Variants in EGF observed in about 807,000 individuals in gnomAD.
The protein encoded by EGF is pro-epidermal growth factor.
Under a neutral mutation model 143.8 loss-of-function variants are expected in EGF, and 95 were observed. The observed-to-expected ratio is 0.66, with a 90% CI of 0.56 to 0.78. EGF has a LOEUF of 0.78. Among genes scored for constraint, EGF ranks in the 30% least tolerant of loss-of-function variants. EGF has a pLI of 0.00. For synonymous variants in EGF, 510 were observed against 510.5 expected (o/e 1.00, Z 0.01); for missense variants, 1,320 against 1,470.9 (o/e 0.90, Z 1.68).
intron 23 of EGF, 105 bp downstream of exon 23, chr4:110,008,335 A>G (rs78570045): frequency 5.9e-5 from 79 of 1,347,336 alleles, no homozygotes; most frequent in Non-Finnish European, 7.6e-5. Context: ...CACAAACAAA[A>G]TAACTAAATT....
At chr4:109,985,067 A>T (rs1201303306) in intron 16 of EGF, among the ~76,000 whole-genome samples, 1 of 152,234 alleles carries the variant, frequency 6.6e-6, no homozygotes, top group Non-Finnish European at 1.5e-5. Flanking sequence ...CATAGAGCAT[A>T]TTTTGAAAGA....
chr4:110,011,187 T>C lies in EGF; in HGVS notation c.3371-15T>C. 2 of 1,613,596 alleles carry C rather than the reference T, an allele frequency of 1.2e-6. No homozygotes were observed. Among genetic ancestry groups the C allele is most frequent in the Non-Finnish European group, 1.7e-6 (2 of 1,180,004 alleles). ...AATGATATGAATATTGAAATTTCTTTTGTCTTTCATATAGGGTCAATGCAA... is the reference window on the plus strand; with the variant it reads ...AATGATATGAATATTGAAATTTCTTCTGTCTTTCATATAGGGTCAATGCAA... On this transcript the variant is annotated splice_polypyrimidine_tract_variant and intron_variant, in intron 23 of 23. Transcript: ENST00000265171.
chr4:109,951,403 G>A lies in EGF; in HGVS notation c.940+6128G>A, dbSNP rs6811864. Among the ~76,000 whole-genome samples the A allele has an allele frequency of 7.8e-3, 1,184 of 151,974 alleles. 13 individuals carry two copies. The highest frequency in any genetic ancestry group is 0.027 in the African/African-American group (1,119 of 41,462). The stretch of plus-strand genomic sequence containing the variant: ...AAACCAAGTGAAAAAAAATTCTTTG[G>A]CACTCTATCTCCTAAATAATATAAT... On this transcript the variant is annotated intron_variant, in intron 5 of 23. Coordinates refer to ENST00000265171, the MANE Select transcript of EGF (RefSeq NM_001963.6).
intron 18 of EGF, among the ~76,000 whole-genome samples, chr4:109,991,832 G>C (rs1289903514): frequency 1.3e-5 from 2 of 152,050 alleles, no homozygotes; most frequent in African/African-American, 4.8e-5. Context: ...CAGGAAGAAA[G>C]CTTCCAGCCT....
chr4:109,988,194 T>TC (rs1750428675), intron 17 of EGF, among the ~76,000 whole-genome samples: 1 of 131,732 alleles, frequency 7.6e-6, no homozygotes, highest in African/African-American at 3.6e-5. Context: ...AAACACAACT[T>TC]TTTTTTTTTT....
chr4:109,918,751 G>T (rs1358068357), intron 1 of EGF, among the ~76,000 whole-genome samples: 2 of 152,180 alleles, frequency 1.3e-5, no homozygotes, highest in Non-Finnish European at 2.9e-5. Flanking sequence ...TTACCTGAAG[G>T]TTTGCTGTTG....
chr4:109,944,299 C>T (rs1177923777), intron 4 of EGF, among the ~76,000 whole-genome samples: 7 of 152,050 alleles, frequency 4.6e-5, no homozygotes, highest in Non-Finnish European at 8.8e-5. Flanking sequence ...ATTAGCCGGG[C>T]GTGGTGGCGA....
intron 1 of EGF, among the ~76,000 whole-genome samples, chr4:109,920,334 A>G (rs930213106): frequency 6.6e-6 from 1 of 151,804 alleles, no homozygotes; most frequent in African/African-American, 2.4e-5. Context: ...ACAATTAAAG[A>G]CTCAATAACT....
In EGF at chr4:109,961,899, G is replaced by A; in HGVS notation, c.1226G>A (p.Ser409Asn). The A allele has an allele frequency of 6.2e-7, 1 of 1,613,950 alleles. No homozygotes were observed. Among genetic ancestry groups the A allele is most frequent in the Non-Finnish European group, 8.5e-7 (1 of 1,179,860 alleles). Residue 409 changes from serine (S) to asparagine (N), a missense_variant, in exon 8 of 24, where the codon AGC (serine) becomes AAC (asparagine). Around this residue, in one of 5 missense-constraint regions of EGF, gnomAD observed 1,186 missense variants for 1,313.7 expected, o/e 0.90. Coordinates refer to ENST00000265171, the MANE Select transcript of EGF (RefSeq NM_001963.6). ...VSCPRNVSEC[S>N]HDCVLTSEGP... ...TGTCCACGCAATGTGTCTGAATGCA[G>A]CCATGACTGTGTTCTGACATCAGAA...
At position 109,968,720 on chromosome 4, in the gene EGF, C is replaced by T; in HGVS notation, c.1576-251C>T. 3 of 471,078 alleles carry T rather than the reference C, an allele frequency of 6.4e-6. No homozygotes were observed. The East Asian group carries it at 1.3e-4, about 21-fold the overall frequency. 29.2% of individuals were successfully genotyped at this position (471,078 alleles called of 1,614,324 possible). A position where few individuals can be genotyped will look rare whatever the true frequency, so the allele number is the denominator to read the frequency against. ...TCTATCTATCTATCTACCTACCTAC[C>T]TACCTACCTAATAAGATTGATATTA... On this transcript the variant is annotated intron_variant, in intron 10 of 23. Transcript: ENST00000265171.
intron 8 of EGF, among the ~76,000 whole-genome samples, chr4:109,962,474 T>C (rs1339591936): frequency 6.6e-6 from 1 of 152,322 alleles, no homozygotes; most frequent in East Asian, 1.9e-4. Flanking sequence ...GTGTGTGTGT[T>C]TTTGATTTTC....
At chr4:109,993,703 G>C (rs1383085120) in intron 19 of EGF, among the ~76,000 whole-genome samples, 1 of 152,112 alleles carries the variant, frequency 6.6e-6, no homozygotes, top group East Asian at 1.9e-4. Flanking sequence ...AGGCAGGTCG[G>C]TGAGAATGTC....
intron 11 of EGF, among the ~76,000 whole-genome samples, chr4:109,974,448 G>A (rs1412463863): frequency 6.6e-6 from 1 of 152,146 alleles, no homozygotes; most frequent in Non-Finnish European, 1.5e-5. Context: ...TCCTGTCATT[G>A]TGTATTTTCA....
At chr4:109,977,505 C>G (rs1176423932) in intron 13 of EGF, 2 of 151,536 alleles carry the variant, frequency 1.3e-5, no homozygotes, top group Non-Finnish European at 2.9e-5. Flanking sequence ...TCTGCAAAGC[C>G]AAGGAATCTA....
intron 1 of EGF, among the ~76,000 whole-genome samples, chr4:109,917,686 T>C (rs1736939067): frequency 6.6e-6 from 1 of 152,150 alleles, no homozygotes; most frequent in Non-Finnish European, 1.5e-5. Context: ...AGTGGCATGA[T>C]CTTGGCTCAC....
intron 10 of EGF, among the ~76,000 whole-genome samples, chr4:109,965,187 G>C (rs1860129): frequency 0.54 from 82,727 of 151,924 alleles, 25,315 homozygotes; most frequent in African/African-American, 0.83. Context: ...GTTACAGTGT[G>C]TTTTGGAGAT....
At position 109,961,859 on chromosome 4, in the gene EGF, T is replaced by G; in HGVS notation, c.1190-4T>G. On this transcript the variant is annotated splice_polypyrimidine_tract_variant and splice_region_variant and intron_variant, in intron 7 of 23. Transcript: ENST00000265171. Reference sequence around the variant, plus strand: ...TAATCTTGACCTTGTTCTTTATTAATTAGAACTTGTTTCCTGTCCACGCAA... The same window carrying G: ...TAATCTTGACCTTGTTCTTTATTAAGTAGAACTTGTTTCCTGTCCACGCAA... The G allele has an allele frequency of 6.2e-7, 1 of 1,613,626 alleles. No individual in the cohort carries two copies. The highest frequency in any genetic ancestry group is 2.2e-5 in the East Asian group (1 of 44,856).
Position 109,959,298 on chromosome 4 carries a change from A to C in EGF, c.941-14A>C, listed in dbSNP as rs1386816289. 1 of 1,613,840 alleles carries C rather than the reference A, an allele frequency of 6.2e-7. No homozygotes were observed. The highest frequency in any genetic ancestry group is 2.2e-5 in the East Asian group (1 of 44,868). ...AACACGGCCCCACTCCAAATAAAGC[A>C]TCTTCTCTTTTAGAGCAGAAACTTT... On this transcript the variant is annotated splice_polypyrimidine_tract_variant and intron_variant, in intron 5 of 23. Transcript: ENST00000265171.
chr4:109,991,963 G>A (rs760412144), intron 18 of EGF, among the ~76,000 whole-genome samples: 18 of 151,734 alleles, frequency 1.2e-4, no homozygotes, highest in African/African-American at 2.4e-4. Flanking sequence ...GACAGCCTGG[G>A]CAACATAGCG....
Sources: gnomAD v4.1 joint callset for allele counts (sites outside exome capture counted in the v4.1 genomes callset) on GRCh38, gnomAD v4.1.1 for gene constraint, gnomAD v4.1.1 regional missense constraint, MANE v1.5 for transcripts, NCBI Gene and HGNC (gene_info 2026-07-23, HGNC 2026-07-21) for gene names.